Variants in MGAT5 observed in about 807,000 individuals in gnomAD.
MGAT5 encodes alpha-1,6-mannosylglycoprotein 6-beta-N-acetylglucosaminyltransferase A.
A neutral mutation model predicts 94.3 loss-of-function variants in MGAT5; 30 were observed. The ratio of observed to expected loss-of-function variants is 0.32; its 90% CI spans 0.24 to 0.43. The LOEUF (loss-of-function observed/expected upper bound fraction) is 0.43. MGAT5 is among the 20% of genes least tolerant of loss of function. The pLI, the probability that MGAT5 is intolerant of heterozygous loss-of-function variation, is 1.00. For missense variants in MGAT5, 691 were observed against 905.5 expected, an observed-to-expected ratio of 0.76 and a Z score of 3.04; for synonymous variants, 310 against 322.9, an observed-to-expected ratio of 0.96 and a Z score of 0.43.
At chr2:134,200,099 C>T (rs1207585054) in intron 1 of MGAT5, among the ~76,000 whole-genome samples, 1 of 152,110 alleles carries the variant, frequency 6.6e-6, no homozygotes, top group Non-Finnish European at 1.5e-5. Context: ...TTTTATTTGG[C>T]AATGAGGACT....
chr2:134,204,723 C>T (rs1319419137), intron 1 of MGAT5, among the ~76,000 whole-genome samples: 2 of 152,268 alleles, frequency 1.3e-5, no homozygotes, highest in East Asian at 3.9e-4. Flanking sequence ...TGATATTGCT[C>T]TTCAATTGTA....
chr2:134,178,024 T>TGCA (rs1275171563), intron 1 of MGAT5, among the ~76,000 whole-genome samples: 2 of 152,164 alleles, frequency 1.3e-5, no homozygotes, highest in Non-Finnish European at 2.9e-5. Flanking sequence ...AATATTTGCA[T>TGCA]AAGTGTGCTT....
intron 1 of MGAT5, among the ~76,000 whole-genome samples, chr2:134,180,197 G>A (rs1244488091): frequency 3.3e-5 from 5 of 152,182 alleles, no homozygotes; most frequent in African/African-American, 1.2e-4. Context: ...CCATGCTGCC[G>A]CTCTGCCTGT....
At chr2:134,166,747 A>G (rs1285749508) in intron 1 of MGAT5, among the ~76,000 whole-genome samples, 33 of 152,232 alleles carry the variant, frequency 2.2e-4, no homozygotes, top group Admixed American at 2.2e-3. Context: ...ATGTCTCTGA[A>G]TGTTTCCTAC....
At chr2:134,205,926 C>A (rs1353198527) in intron 1 of MGAT5, among the ~76,000 whole-genome samples, 2 of 152,162 alleles carry the variant, frequency 1.3e-5, no homozygotes, top group Non-Finnish European at 2.9e-5. Flanking sequence ...AGCATTACAG[C>A]ATGCCAAGAG....
chr2:134,360,730 G>A (rs1312692913), intron 9 of MGAT5, among the ~76,000 whole-genome samples: 1 of 152,190 alleles, frequency 6.6e-6, no homozygotes, highest in African/African-American at 2.4e-5. Context: ...TCAAAAGGGG[G>A]GAGAAAAGCA....
chr2:134,222,902 T>G (rs1680862221), intron 1 of MGAT5, among the ~76,000 whole-genome samples: 1 of 152,198 alleles, frequency 6.6e-6, no homozygotes, highest in South Asian at 2.1e-4. Context: ...TTTTTTGTGT[T>G]AAGCTACTGT....
chr2:134,170,571 T>C (rs1272258828), intron 1 of MGAT5, among the ~76,000 whole-genome samples: 1 of 152,222 alleles, frequency 6.6e-6, no homozygotes, highest in Non-Finnish European at 1.5e-5. Flanking sequence ...AATGAAACTC[T>C]TCCAGAAACT....
At chr2:134,442,126 G>A (rs1685519366) in intron 15 of MGAT5, among the ~76,000 whole-genome samples, 1 of 152,198 alleles carries the variant, frequency 6.6e-6, no homozygotes, top group Admixed American at 6.5e-5. Flanking sequence ...CACCTGGCAT[G>A]ATGATGTGTT....
chr2:134,436,641 C>T (rs1440824822), intron 14 of MGAT5, among the ~76,000 whole-genome samples: 2 of 152,176 alleles, frequency 1.3e-5, no homozygotes, highest in Non-Finnish European at 2.9e-5. Flanking sequence ...GCAAGGTGTC[C>T]ATTCATCTAG....
chr2:134,256,533 TTG>T (rs1244000759), intron 1 of MGAT5, among the ~76,000 whole-genome samples: 4 of 152,238 alleles, frequency 2.6e-5, no homozygotes, highest in African/African-American at 7.2e-5. Context: ...TTTGTATTTC[TTG>T]TGTATTGATG....
Position 134,450,758 on chromosome 2 carries a change from A to C in MGAT5, c.*1911A>C, listed in dbSNP as rs1686054329. 1 of 152,012 alleles carries C rather than the reference A, an allele frequency of 6.6e-6. No homozygotes were observed. The highest frequency in any genetic ancestry group is 2.5e-5 in the African/African-American group (1 of 40,058). The allele number at this position is 152,012 out of a possible 1,614,324, so 9.4% of individuals were successfully genotyped here. ...GCTTGGGCCTAGGAAGAAGGGCAGA[A>C]GTCCAAAGGAAACCTTGGTGAGTGA... is the stretch of plus-strand genomic sequence containing the variant. On this transcript the variant is annotated 3_prime_UTR_variant, in exon 16 of 16. Transcript: ENST00000281923.
chr2:134,447,019 CAG>C, intron 15 of MGAT5, among the ~76,000 whole-genome samples: 1 of 152,224 alleles, frequency 6.6e-6, no homozygotes, highest in Non-Finnish European at 1.5e-5. Context: ...TAGAGAAAGA[CAG>C]GGCAGGAGTA....
chr2:134,301,217 A>C (rs747465855), intron 2 of MGAT5, among the ~76,000 whole-genome samples: 2 of 152,188 alleles, frequency 1.3e-5, no homozygotes, highest in Non-Finnish European at 2.9e-5. Flanking sequence ...CTTTTTAAAA[A>C]ATCGCAGAGC....
At chr2:134,277,114 C>T (rs1442970228) in intron 2 of MGAT5, among the ~76,000 whole-genome samples, 2 of 152,106 alleles carry the variant, frequency 1.3e-5, no homozygotes, top group African/African-American at 4.8e-5. Context: ...TGAAAGGCAG[C>T]ATCTGTGGAA....
At chr2:134,411,773 G>A (rs1683678137) in intron 11 of MGAT5, among the ~76,000 whole-genome samples, 1 of 152,234 alleles carries the variant, frequency 6.6e-6, no homozygotes, top group South Asian at 2.1e-4. Flanking sequence ...GGGAAAAACA[G>A]AACCAAGCTT....
chr2:134,204,469 G>T (rs539356937), intron 1 of MGAT5, among the ~76,000 whole-genome samples: 1 of 152,136 alleles, frequency 6.6e-6, no homozygotes, highest in African/African-American at 2.4e-5. Context: ...TTAAGTGAGG[G>T]CGTTGGCTAG....
rs541135793 is a variant in MGAT5 at position 134,268,810 on chromosome 2, A to G, written c.242-1576A>G. Among the ~76,000 whole-genome samples the G allele has an allele frequency of 7.2e-5, 11 of 152,336 alleles. No individual in the cohort carries two copies. The highest frequency in any genetic ancestry group is 2.6e-4 in the African/African-American group (11 of 41,572). On this transcript the variant is annotated intron_variant, in intron 1 of 15. Transcript: ENST00000281923. This position sits in a 1 kb window ranked among gnomAD's most constrained non-coding sequence, Gnocchi z 4.1. ...TCATGTCCCTCTTTTACAGGTAAGGAAACAGGAATGCCAGAGGTAGGACTC... is the reference window on the plus strand; with the variant it reads ...TCATGTCCCTCTTTTACAGGTAAGGGAACAGGAATGCCAGAGGTAGGACTC...
intron 1 of MGAT5, among the ~76,000 whole-genome samples, chr2:134,163,818 G>C (rs1308851774): frequency 2.6e-5 from 4 of 152,078 alleles, no homozygotes; most frequent in Non-Finnish European, 4.4e-5. Flanking sequence ...GCTGTCAAAG[G>C]GGTTGCCAAA....
Sources: allele counts gnomAD v4.1 joint callset (sites outside exome capture counted in the v4.1 genomes callset), GRCh38; gene constraint gnomAD v4.1.1; non-coding constraint Gnocchi (gnomAD v3.1); transcripts MANE v1.5; gene names NCBI Gene and HGNC (gene_info 2026-07-23, HGNC 2026-07-21).